The following PTPRG variants were observed in gnomAD, a reference collection of about 807,000 sequenced individuals.
PTPRG encodes the protein protein tyrosine phosphatase receptor type G.
A neutral mutation model predicts 165.3 loss-of-function variants in PTPRG; 102 were observed. The observed-to-expected ratio is 0.62, with a 90% CI of 0.53 to 0.73. The LOEUF (loss-of-function observed/expected upper bound fraction) is 0.73, where lower values mean the gene tolerates loss of function less well. PTPRG is among the 30% of genes least tolerant of loss of function. The pLI, the probability that PTPRG is intolerant of heterozygous loss-of-function variation, is 0.00. For synonymous variants in PTPRG, 675 were observed against 669.5 expected (o/e 1.01, Z -0.13); for missense variants, 1,866 against 1,861.4 (o/e 1.00, Z -0.05).
intron 2 of PTPRG, among the ~76,000 whole-genome samples, chr3:61,873,249 C>T (rs144499234): frequency 9.4e-4 from 143 of 152,294 alleles, no homozygotes; most frequent in African/African-American, 3.2e-3. Context: ...CAATGACATT[C>T]ACCAGGCAGT....
At chr3:62,107,806 A>G (rs971809279) in intron 5 of PTPRG, among the ~76,000 whole-genome samples, 7 of 148,682 alleles carry the variant, frequency 4.7e-5, no homozygotes, top group African/African-American at 1.5e-4. Context: ...TAGCCAATGT[A>G]CTAACTACTT....
At chr3:61,854,917 T>G (rs1256782378) in intron 2 of PTPRG, among the ~76,000 whole-genome samples, 4 of 147,942 alleles carry the variant, frequency 2.7e-5, no homozygotes, top group African/African-American at 1.0e-4. Flanking sequence ...ATTCTATGTT[T>G]TAGCATTTTT....
At chr3:62,164,553 G>A (rs1353517782) in intron 7 of PTPRG, among the ~76,000 whole-genome samples, 1 of 152,146 alleles carries the variant, frequency 6.6e-6, no homozygotes, top group East Asian at 1.9e-4. Context: ...AAGCGCAACT[G>A]TGATCCAGTT....
intron 2 of PTPRG, among the ~76,000 whole-genome samples, chr3:61,949,481 T>C (rs1279471497): frequency 6.6e-6 from 1 of 152,164 alleles, no homozygotes; most frequent in African/African-American, 2.4e-5. Context: ...AGTGAGGCTT[T>C]GGGTAGCGTT....
intron 13 of PTPRG, among the ~76,000 whole-genome samples, chr3:62,227,131 G>A (rs1210457670): frequency 6.6e-6 from 1 of 152,162 alleles, no homozygotes; most frequent in Non-Finnish European, 1.5e-5. Context: ...TCTCTTGCTT[G>A]AGGGATGACT....
intron 8 of PTPRG, among the ~76,000 whole-genome samples, chr3:62,175,976 TA>T (rs1391763100): frequency 1.3e-5 from 2 of 152,204 alleles, no homozygotes; most frequent in Non-Finnish European, 2.9e-5. Flanking sequence ...CTTCTCTTGG[TA>T]AAGAGTTAAG....
At position 61,840,782 on chromosome 3, in the gene PTPRG, G is replaced by T. The variant is rs371124599; in HGVS notation, c.190+91800G>T. 9.5e-3 allele frequency among the ~76,000 whole-genome samples: 1,138 copies of T among 120,058 alleles called. 22 individuals carry two copies. The highest frequency in any genetic ancestry group is 0.021 in the African/African-American group (652 of 31,488). 78.8% of individuals were successfully genotyped at this position (120,058 alleles called of 152,430 possible). A position where few individuals can be genotyped will look rare whatever the true frequency, so the allele number is the denominator to read the frequency against. ...CAGATGGAGTTTTTTTTGTTTGTTT[G>T]TTTTTTTTTTTTTTTTTTTGAGATG... On this transcript the variant is annotated intron_variant, in intron 2 of 29. Coordinates refer to ENST00000474889, the MANE Select transcript of PTPRG (RefSeq NM_002841.4).
chr3:61,618,079 A>G (rs1701346913), intron 1 of PTPRG, among the ~76,000 whole-genome samples: 1 of 152,190 alleles, frequency 6.6e-6, no homozygotes, highest in African/African-American at 2.4e-5. Context: ...TGGTGGAAGA[A>G]CTATTCTTGC....
chr3:62,277,512 A>G, intron 25 of PTPRG, 39 bp from the exon 26 acceptor site: 1 of 1,595,236 alleles, frequency 6.3e-7, no homozygotes. Context: ...AGAATAAAAC[A>G]CTCATATTCA....
At chr3:62,124,445 T>C in intron 5 of PTPRG, 1 of 1,613,854 alleles carries the variant, frequency 6.2e-7, no homozygotes, top group East Asian at 2.2e-5. Context: ...ATTCTTGTTC[T>C]GGGGGATGCT....
intron 4 of PTPRG, among the ~76,000 whole-genome samples, chr3:62,071,770 T>A (rs541485683): frequency 7.4e-4 from 113 of 152,278 alleles, no homozygotes; most frequent in Middle Eastern, 3.4e-3. Flanking sequence ...CCACTTTCCT[T>A]CCTTAGGAGC....
intron 5 of PTPRG, among the ~76,000 whole-genome samples, chr3:62,096,076 T>C (rs1041042199): frequency 6.8e-6 from 1 of 147,982 alleles, no homozygotes; most frequent in South Asian, 2.3e-4. Context: ...ACCGAGAGAG[T>C]TGAGCTGGAG....
chr3:61,713,390 C>G (rs984783617), intron 1 of PTPRG, among the ~76,000 whole-genome samples: 8 of 146,966 alleles, frequency 5.4e-5, no homozygotes, highest in African/African-American at 2.0e-4. Context: ...CCAGGATTGT[C>G]TCAAACTCCT....
chr3:62,011,114 T>C (rs923890709), intron 4 of PTPRG, among the ~76,000 whole-genome samples: 1 of 152,170 alleles, frequency 6.6e-6, no homozygotes, highest in Admixed American at 6.5e-5. Flanking sequence ...ATGGCGTGAA[T>C]TCCTGGTGGC....
At chr3:61,583,662 T>A (rs181371802) in intron 1 of PTPRG, among the ~76,000 whole-genome samples, 30 of 152,218 alleles carry the variant, frequency 2.0e-4, no homozygotes, top group African/African-American at 7.2e-4. Context: ...CACACCTTTT[T>A]GAGGGTGGTA....
chr3:61,806,598 T>TC (rs879506847), intron 2 of PTPRG, among the ~76,000 whole-genome samples: 2 of 151,966 alleles, frequency 1.3e-5, no homozygotes, highest in Admixed American at 6.6e-5. Flanking sequence ...TCATTTTTTT[T>TC]CTTCTTAAAT....
intron 5 of PTPRG, among the ~76,000 whole-genome samples, chr3:62,109,666 C>T (rs1702597512): frequency 6.6e-6 from 1 of 152,128 alleles, no homozygotes; most frequent in Non-Finnish European, 1.5e-5. Flanking sequence ...GGCTTTCCCT[C>T]CTGCTCTCTT....
At chr3:62,194,148 A>T (rs1335520974) in intron 9 of PTPRG, among the ~76,000 whole-genome samples, 1 of 152,202 alleles carries the variant, frequency 6.6e-6, no homozygotes, top group Admixed American at 6.5e-5. Flanking sequence ...TGTAGAGTGG[A>T]GGGAGCCATA....
At chr3:62,026,889 A>T (rs1438365858) in intron 4 of PTPRG, among the ~76,000 whole-genome samples, 7 of 150,238 alleles carry the variant, frequency 4.7e-5, no homozygotes, top group African/African-American at 1.7e-4. Context: ...TAAAAAAAAA[A>T]AAAAAGATAT....
Sources: allele counts gnomAD v4.1 joint callset (sites outside exome capture counted in the v4.1 genomes callset), GRCh38; gene constraint gnomAD v4.1.1; transcripts MANE v1.5; gene names NCBI Gene and HGNC (gene_info 2026-07-23, HGNC 2026-07-21).